Variants in PDE7B observed in about 807,000 individuals in gnomAD.
PDE7B encodes the protein phosphodiesterase 7B.
Under a neutral mutation model 56.2 loss-of-function variants are expected in PDE7B, and 29 were observed. The observed-to-expected ratio is 0.52, with a 90% CI of 0.38 to 0.70. The LOEUF (loss-of-function observed/expected upper bound fraction) is 0.70. PDE7B is among the 30% of genes least tolerant of loss of function. PDE7B has a pLI of 0.00. For missense variants in PDE7B, 490 were observed against 565.0 expected (o/e 0.87, Z 1.35); for synonymous variants, 197 against 196.9 (o/e 1.00, Z 0.00).
intron 3 of PDE7B, among the ~76,000 whole-genome samples, chr6:136,139,558 A>G (rs1583903073): frequency 1.3e-5 from 2 of 152,310 alleles, no homozygotes; most frequent in Middle Eastern, 3.4e-3. Context: ...GACTTCCACA[A>G]TGGTTGAACT....
At chr6:136,022,442 T>C (rs966417367) in intron 2 of PDE7B, among the ~76,000 whole-genome samples, 5 of 152,194 alleles carry the variant, frequency 3.3e-5, no homozygotes, top group Non-Finnish European at 5.9e-5. Context: ...GGAGAATAAA[T>C]TCTTGTGCTC....
chr6:136,108,455 A>G (rs957477941), intron 2 of PDE7B, among the ~76,000 whole-genome samples: 2 of 152,178 alleles, frequency 1.3e-5, no homozygotes, highest in Non-Finnish European at 2.9e-5. Context: ...AAGCATAAAA[A>G]GACTTTTGTC....
At chr6:135,911,479 C>A (rs573572711) in intron 1 of PDE7B, among the ~76,000 whole-genome samples, 1 of 152,168 alleles carries the variant, frequency 6.6e-6, no homozygotes, top group Non-Finnish European at 1.5e-5. Context: ...TTTAAACCAA[C>A]GTGATATAAA....
chr6:135,951,939 G>GA (rs1774709212), intron 2 of PDE7B, among the ~76,000 whole-genome samples: 1 of 152,092 alleles, frequency 6.6e-6, no homozygotes, highest in African/African-American at 2.4e-5. Context: ...CAGAACACCA[G>GA]AAAATCAATA....
chr6:136,187,753 A>G (rs1043118646), intron 12 of PDE7B, among the ~76,000 whole-genome samples: 8 of 152,258 alleles, frequency 5.3e-5, no homozygotes, highest in African/African-American at 1.9e-4. Flanking sequence ...CCAAGAAGCA[A>G]ATCAAACTGT....
At chr6:135,994,920 T>C (rs928884479) in intron 2 of PDE7B, among the ~76,000 whole-genome samples, 11 of 152,226 alleles carry the variant, frequency 7.2e-5, no homozygotes, top group African/African-American at 2.4e-4. Flanking sequence ...GAGTTAGTCA[T>C]AGTCATAGGG....
intron 2 of PDE7B, among the ~76,000 whole-genome samples, chr6:136,043,655 A>G (rs1776450514): frequency 6.6e-6 from 1 of 150,572 alleles, no homozygotes; most frequent in Non-Finnish European, 1.5e-5. Flanking sequence ...TCTCATAATT[A>G]CTGGTGTTGG....
At chr6:136,018,125 T>C (rs894164861) in intron 2 of PDE7B, among the ~76,000 whole-genome samples, 2 of 152,190 alleles carry the variant, frequency 1.3e-5, no homozygotes, top group Non-Finnish European at 2.9e-5. Flanking sequence ...TTTCCATGCA[T>C]CTTGGGACAA....
chr6:136,037,894 T>C, intron 2 of PDE7B: 1 of 1,174,676 alleles, frequency 8.5e-7, no homozygotes. Context: ...GGCTTTTTTT[T>C]TTCTCCCTGC....
intron 1 of PDE7B, among the ~76,000 whole-genome samples, chr6:135,888,466 G>GC (rs1438404527): frequency 1.3e-5 from 2 of 152,010 alleles, no homozygotes; most frequent in African/African-American, 4.8e-5. Flanking sequence ...GTGTGTGTGT[G>GC]CATGTATAAC....
intron 2 of PDE7B, among the ~76,000 whole-genome samples, chr6:136,004,125 A>T (rs987996578): frequency 2.0e-5 from 3 of 152,204 alleles, no homozygotes; most frequent in Non-Finnish European, 4.4e-5. Context: ...CAATAGATGC[A>T]GAAAAGGCCT....
At chr6:135,855,240 G>A (rs913317978) in intron 1 of PDE7B, among the ~76,000 whole-genome samples, 2 of 152,126 alleles carry the variant, frequency 1.3e-5, no homozygotes. Flanking sequence ...TGTAAATGTA[G>A]AAGTGTCAAA....
intron 2 of PDE7B, among the ~76,000 whole-genome samples, chr6:136,013,362 C>T (rs963530808): frequency 5.3e-5 from 8 of 152,174 alleles, no homozygotes; most frequent in Admixed American, 5.2e-4. Context: ...AAAGGTGTTC[C>T]TCTTTCTTTC....
In PDE7B at chr6:136,187,028, C is replaced by CT. The variant is rs778082880; in HGVS notation, c.1046-6dup. 10 of 1,458,682 alleles carry CT rather than the reference C, an allele frequency of 6.9e-6. No homozygotes were observed. The Admixed American group carries it at 8.6e-5, about 13-fold the overall frequency. 90.4% of individuals were successfully genotyped at this position (1,458,682 alleles called of 1,614,324 possible). ...AATGTGTTTTTTTCTTTCTTTCTTTCTTCTTAGGTGAACTTGAACAGAAAT... is the reference window on the plus strand; with the variant it reads ...AATGTGTTTTTTTCTTTCTTTCTTTCTTTCTTAGGTGAACTTGAACAGAAAT... On this transcript the variant is annotated splice_polypyrimidine_tract_variant and splice_region_variant and intron_variant, in intron 11 of 12. Coordinates refer to ENST00000308191, the MANE Select transcript of PDE7B (RefSeq NM_018945.4).
intron 10 of PDE7B, 129 bp downstream of exon 10, chr6:136,179,270 G>C: frequency 1.3e-6 from 1 of 750,640 alleles, no homozygotes. Flanking sequence ...GAGTCCATGA[G>C]TTCAAGGCTA....
At chr6:136,017,651 C>T (rs148226717) in intron 2 of PDE7B, among the ~76,000 whole-genome samples, 118 of 152,090 alleles carry the variant, frequency 7.8e-4, no homozygotes, top group Middle Eastern at 3.4e-3. Context: ...AACTTAACCA[C>T]GTAAACTTTA....
chr6:136,082,005 C>T (rs1328822608), intron 2 of PDE7B, among the ~76,000 whole-genome samples: 1 of 152,162 alleles, frequency 6.6e-6, no homozygotes, highest in Non-Finnish European at 1.5e-5. Flanking sequence ...CAGGGTAGGG[C>T]CCATGAATTT....
rs1331217294 is a variant in PDE7B at position 136,173,886 on chromosome 6, G to C, written c.801G>C (p.Met267Ile). Residue 267 changes from methionine to isoleucine, a missense_variant and splice_region_variant, in exon 9 of 13, where the codon ATG becomes ATC. By Grantham distance (10) the Met-to-Ile change is conservative. Coordinates refer to ENST00000308191, the MANE Select transcript of PDE7B (RefSeq NM_018945.4). ...SRLLAHLPKE[M>I]TQDIEQQLGS... The stretch of plus-strand genomic sequence containing the variant: ...TTCTTGCTCATTTGCCAAAGGAAAT[G>C]ACGTAAGTGCTGCCGAGATGAAACA... 1 of 1,605,564 alleles carries C rather than the reference G, an allele frequency of 6.2e-7. No individual in the cohort carries two copies. Among genetic ancestry groups the C allele is most frequent in the Admixed American group, 1.7e-5 (1 of 59,904 alleles).
intron 2 of PDE7B, among the ~76,000 whole-genome samples, chr6:135,999,359 C>T (rs1166840022): frequency 6.6e-6 from 1 of 152,006 alleles, no homozygotes; most frequent in African/African-American, 2.4e-5. Flanking sequence ...ATTTTTTTGT[C>T]ACTCAGGTAC....
Sources: allele counts gnomAD v4.1 joint callset (sites outside exome capture counted in the v4.1 genomes callset), GRCh38; gene constraint gnomAD v4.1.1; transcripts MANE v1.5; gene names NCBI Gene and HGNC (gene_info 2026-07-23, HGNC 2026-07-21).